EYS: variants seen among roughly 807,000 people sequenced by gnomAD.
EYS encodes EGF-like photoreceptor maintenance factor, also known as protein eyes shut homolog.
Under a neutral mutation model 282.1 loss-of-function variants are expected in EYS, and 250 were observed. The ratio of observed to expected loss-of-function variants is 0.89; its 90% CI spans 0.80 to 0.98. The LOEUF (loss-of-function observed/expected upper bound fraction) is 0.98. Among genes scored for constraint, EYS ranks in the 50% least tolerant of loss-of-function variants. The probability of loss-of-function intolerance (pLI) is 0.00; values close to 1 mark genes in which losing one functional copy is unlikely to be tolerated. For synonymous variants in EYS, 1,355 were observed against 1,282.9 expected (o/e 1.06, Z -1.20); for missense variants, 4,016 against 3,709.0 (o/e 1.08, Z -2.15).
Position 65,405,388 on chromosome 6 carries a change from G to GAGA in EYS, c.863-22_863-21insTCT, listed in dbSNP as rs1554192996. On this transcript the variant is annotated intron_variant, in intron 5 of 42. Transcript: ENST00000503581. ...TGGACCTTAAAAAAATCACACACAA[G>GAGA]AAAAAAAAAGAAAAGGAAGGAAGGA... The GAGA allele has an allele frequency of 0.041, 60,886 of 1,485,204 alleles. 1,560 individuals are homozygous for GAGA. The highest frequency in any genetic ancestry group is 0.11 in the African/African-American group (7,826 of 70,530). The allele number at this position is 1,485,204 out of a possible 1,614,324, so 92.0% of individuals were successfully genotyped here.
chr6:63,738,774 A>T (rs922551183), intron 41 of EYS, among the ~76,000 whole-genome samples: 1 of 152,040 alleles, frequency 6.6e-6, no homozygotes, highest in East Asian at 1.9e-4. Context: ...ATACACACAT[A>T]AAAAAAATTC....
chr6:63,827,461 A>C (rs1582248515), intron 36 of EYS, among the ~76,000 whole-genome samples: 1 of 152,348 alleles, frequency 6.6e-6, no homozygotes, highest in East Asian at 1.9e-4. Flanking sequence ...ACAACCACAG[A>C]ATATACATTC....
intron 29 of EYS, among the ~76,000 whole-genome samples, chr6:64,344,793 GAAAACCCC>G (rs1771303307): frequency 6.6e-6 from 1 of 152,052 alleles, no homozygotes; most frequent in Non-Finnish European, 1.5e-5. Context: ...TTTATATCTA[GAAAACCCC>G]ATGGTCTCAG....
chr6:64,049,818 C>T (rs994549769), intron 33 of EYS, among the ~76,000 whole-genome samples: 14 of 152,106 alleles, frequency 9.2e-5, no homozygotes, highest in Admixed American at 1.3e-4. Context: ...TCTAGTTTTT[C>T]TGAAGACAGA....
intron 31 of EYS, among the ~76,000 whole-genome samples, chr6:64,140,764 T>G (rs1038870344): frequency 6.6e-6 from 1 of 152,164 alleles, no homozygotes; most frequent in South Asian, 2.1e-4. Flanking sequence ...CTGGGAATGA[T>G]AAAAAGCTCC....
At chr6:63,919,576 A>T (rs1197299033) in intron 35 of EYS, among the ~76,000 whole-genome samples, 2 of 152,156 alleles carry the variant, frequency 1.3e-5, no homozygotes, top group Non-Finnish European at 2.9e-5. Context: ...TGTGACATAG[A>T]CTTAATTTAA....
At chr6:63,758,567 A>G (rs940054715) in intron 41 of EYS, among the ~76,000 whole-genome samples, 31 of 152,120 alleles carry the variant, frequency 2.0e-4, no homozygotes, top group African/African-American at 6.7e-4. Context: ...GAGGTATGCT[A>G]GAAGAGTCTT....
At chr6:64,006,104 T>C (rs1353694574) in intron 33 of EYS, among the ~76,000 whole-genome samples, 1 of 152,226 alleles carries the variant, frequency 6.6e-6, no homozygotes, top group African/African-American at 2.4e-5. Context: ...ATCATGAGCA[T>C]TGGTATGATT....
At chr6:64,092,664 G>A (rs1772412828) in intron 31 of EYS, among the ~76,000 whole-genome samples, 1 of 152,090 alleles carries the variant, frequency 6.6e-6, no homozygotes, top group African/African-American at 2.4e-5. Flanking sequence ...CCCTTTGTCA[G>A]ATGAGTAGAT....
chr6:64,505,857 T>C (rs1182605210), intron 26 of EYS, among the ~76,000 whole-genome samples: 1 of 152,160 alleles, frequency 6.6e-6, no homozygotes, highest in Non-Finnish European at 1.5e-5. Flanking sequence ...TTTGGTACAA[T>C]AGAAATAATA....
intron 12 of EYS, among the ~76,000 whole-genome samples, chr6:65,115,458 T>C (rs2150191902): frequency 6.6e-6 from 1 of 152,194 alleles, no homozygotes; most frequent in Non-Finnish European, 1.5e-5. Flanking sequence ...ATTTCTACTA[T>C]ATTCTGTGTC....
chr6:65,642,762 G>C (rs6908502), intron 1 of EYS, among the ~76,000 whole-genome samples: 70 of 152,240 alleles, frequency 4.6e-4, no homozygotes, highest in African/African-American at 1.7e-3. Flanking sequence ...GTGATTTTAA[G>C]AAGATATTTT....
At chr6:63,732,585 A>G (rs1402233797) in intron 41 of EYS, among the ~76,000 whole-genome samples, 1 of 152,204 alleles carries the variant, frequency 6.6e-6, no homozygotes, top group Non-Finnish European at 1.5e-5. Context: ...GATACGCCCA[A>G]TTATTTCTTG....
At chr6:64,688,338 C>T (rs1013378882) in intron 22 of EYS, among the ~76,000 whole-genome samples, 2 of 151,942 alleles carry the variant, frequency 1.3e-5, no homozygotes, top group Non-Finnish European at 2.9e-5. Context: ...TTTAGATCTT[C>T]CTGCTTTCTC....
intron 12 of EYS, among the ~76,000 whole-genome samples, chr6:65,065,329 G>A (rs867382991): frequency 6.6e-6 from 1 of 151,550 alleles, no homozygotes. Flanking sequence ...TTTTTTCAGT[G>A]TTGAAAAACA....
At chr6:64,114,056 A>C (rs1351676681) in intron 31 of EYS, among the ~76,000 whole-genome samples, 1 of 152,190 alleles carries the variant, frequency 6.6e-6, no homozygotes, top group Non-Finnish European at 1.5e-5. Context: ...TACAGAAAAA[A>C]ACTTACCAGC....
intron 12 of EYS, among the ~76,000 whole-genome samples, chr6:65,128,852 G>T (rs981767768): frequency 6.6e-6 from 1 of 151,870 alleles, no homozygotes; most frequent in South Asian, 2.1e-4. Flanking sequence ...AGCCTGAATG[G>T]CCCAAGCAAT....
At chr6:65,261,804 G>T (rs528847687) in intron 12 of EYS, among the ~76,000 whole-genome samples, 1 of 151,898 alleles carries the variant, frequency 6.6e-6, no homozygotes, top group South Asian at 2.1e-4. Context: ...AACTTTATTT[G>T]CTCATTAAAT....
chr6:65,437,488 A>C (rs2150389182), intron 5 of EYS, among the ~76,000 whole-genome samples: 1 of 152,270 alleles, frequency 6.6e-6, no homozygotes, highest in East Asian at 1.9e-4. Context: ...CCACAATTAT[A>C]ATGGGAAATT....
Sources: gnomAD v4.1 joint callset for allele counts (sites outside exome capture counted in the v4.1 genomes callset) on GRCh38, gnomAD v4.1.1 for gene constraint, MANE v1.5 for transcripts, NCBI Gene and HGNC (gene_info 2026-07-23, HGNC 2026-07-21) for gene names.